The following FSIP1 variants were observed in gnomAD, a reference collection of about 807,000 sequenced individuals.
FSIP1 encodes the protein fibrous sheath interacting protein 1.
FSIP1 carries 65 observed loss-of-function variants against 60.9 expected under a neutral mutation model. The observed-to-expected ratio is 1.07, with a 90% CI of 0.87 to 1.31. The LOEUF is 1.31. Ranked by LOEUF, FSIP1 falls within the 40% of genes most tolerant of loss-of-function variation. The pLI is 0.00. For synonymous variants in FSIP1, 209 were observed against 221.2 expected (o/e 0.94, Z 0.49); for missense variants, 675 against 665.5 (o/e 1.01, Z -0.16).
chr15:39,600,945 AC>A lies in FSIP1; in HGVS notation c.1700-20del. 1 of 1,592,184 alleles carries A rather than the reference AC, an allele frequency of 6.3e-7. No individual in the cohort carries two copies. The highest frequency in any genetic ancestry group is 1.1e-5 in the South Asian group (1 of 87,416). ...TGCTCATCTGCACATAAAAACAATAACCACAGTTATTAGAGATTCAGAAATG... is the reference window on the plus strand; with the variant it reads ...TGCTCATCTGCACATAAAAACAATAACACAGTTATTAGAGATTCAGAAATG... On this transcript the variant is annotated intron_variant, in intron 11 of 11. Transcript: ENST00000350221.
chr15:39,765,241 C>CTTTTTTTTTTTTTT (rs71132116), intron 4 of FSIP1, among the ~76,000 whole-genome samples: 1 of 115,178 alleles, frequency 8.7e-6, no homozygotes, highest in Non-Finnish European at 1.7e-5. Flanking sequence ...GAAATTCTTT[C>CTTTTTTTTTTTTTT]TTTTTTTTTT....
intron 10 of FSIP1, among the ~76,000 whole-genome samples, chr15:39,625,075 G>T (rs1009752340): frequency 1.6e-4 from 24 of 152,134 alleles, no homozygotes; most frequent in Admixed American, 4.6e-4. Context: ...CAAAGTCACC[G>T]TGCAGAATCA....
At chr15:39,759,806 A>G (rs561298487) in intron 5 of FSIP1, among the ~76,000 whole-genome samples, 2 of 152,154 alleles carry the variant, frequency 1.3e-5, no homozygotes, top group African/African-American at 2.4e-5. Context: ...CCGTCTTTGC[A>G]GCACCTTTTC....
At chr15:39,752,178 G>T (rs1897183888) in intron 5 of FSIP1, among the ~76,000 whole-genome samples, 1 of 151,876 alleles carries the variant, frequency 6.6e-6, no homozygotes, top group South Asian at 2.1e-4. Context: ...TAAAATCTTT[G>T]CCTAGGCCAA....
At chr15:39,772,726 G>A (rs974417663) in intron 2 of FSIP1, among the ~76,000 whole-genome samples, 5 of 151,662 alleles carry the variant, frequency 3.3e-5, no homozygotes, top group Non-Finnish European at 7.4e-5. Flanking sequence ...GAGTAGCTGG[G>A]ATTACAGGCA....
intron 8 of FSIP1, among the ~76,000 whole-genome samples, chr15:39,729,765 T>C (rs1309513558): frequency 6.6e-6 from 1 of 152,154 alleles, no homozygotes; most frequent in African/African-American, 2.4e-5. Flanking sequence ...AAGGCCATAA[T>C]CCTAAACAAA....
chr15:39,735,688 T>C (rs565236488), intron 8 of FSIP1, among the ~76,000 whole-genome samples: 8 of 152,192 alleles, frequency 5.3e-5, no homozygotes, highest in Non-Finnish European at 8.8e-5. Flanking sequence ...TTTTTACTTT[T>C]AAAACTTTTA....
At chr15:39,780,688 C>T (rs1472322251) in intron 1 of FSIP1, among the ~76,000 whole-genome samples, 1 of 152,178 alleles carries the variant, frequency 6.6e-6, no homozygotes, top group East Asian at 1.9e-4. Context: ...CTAAAACTTG[C>T]TCAAAATGTA....
chr15:39,726,226 AG>A (rs1339100587), intron 9 of FSIP1, among the ~76,000 whole-genome samples: 4 of 152,222 alleles, frequency 2.6e-5, no homozygotes, highest in Non-Finnish European at 2.9e-5. Flanking sequence ...TGGTGGAGTA[AG>A]GGACAATGGC....
intron 10 of FSIP1, among the ~76,000 whole-genome samples, chr15:39,691,902 T>G (rs992915217): frequency 6.6e-6 from 1 of 151,792 alleles, no homozygotes; most frequent in Non-Finnish European, 1.5e-5. Context: ...AGAGAGCGAG[T>G]GATAGATAGA....
chr15:39,606,807 A>T (rs1255660762), intron 11 of FSIP1, among the ~76,000 whole-genome samples: 2 of 152,192 alleles, frequency 1.3e-5, no homozygotes, highest in Non-Finnish European at 2.9e-5. Context: ...TATTTTATGA[A>T]TTTCTGTTAA....
intron 10 of FSIP1, among the ~76,000 whole-genome samples, chr15:39,679,774 A>C (rs1389404881): frequency 6.6e-6 from 1 of 152,210 alleles, no homozygotes; most frequent in Non-Finnish European, 1.5e-5. Flanking sequence ...AGGGGGGAAA[A>C]CAACATTATC....
chr15:39,758,898 T>TA (rs1460408184), intron 5 of FSIP1, among the ~76,000 whole-genome samples: 29 of 151,998 alleles, frequency 1.9e-4, no homozygotes, highest in Admixed American at 1.9e-3. Flanking sequence ...TCCTACACGA[T>TA]AAAGCTAGCA....
downstream of FSIP1, chr15:39,598,341 A>G (rs1890525800): frequency 6.6e-6 from 1 of 152,224 alleles, no homozygotes. Context: ...TCACATACAA[A>G]TGTAAATTGC....
rs192155332 is a variant in FSIP1, at chr15:39,670,005, T to C, written c.1188+43439A>G. Among the ~76,000 whole-genome samples, 258 of 152,344 alleles carry C rather than the reference T, an allele frequency of 1.7e-3. 3 individuals carry two copies. The highest frequency in any genetic ancestry group is 4.1e-4 in the Non-Finnish European group (28 of 68,030). The stretch of plus-strand genomic sequence containing the variant: ...CCCTCCCGGAAACTGGAAATTAATA[T>C]ATTTCTCTGCTTGCTTATAGCCAAC... On this transcript the variant is annotated intron_variant, in intron 10 of 11. Coordinates refer to ENST00000350221, the MANE Select transcript of FSIP1 (RefSeq NM_152597.5).
At chr15:39,758,385 T>G (rs888850121) in intron 5 of FSIP1, among the ~76,000 whole-genome samples, 1 of 152,050 alleles carries the variant, frequency 6.6e-6, no homozygotes, top group Non-Finnish European at 1.5e-5. Context: ...ACAAGCAGGT[T>G]TGGTCTTTCA....
chr15:39,726,081 C>T (rs896834997), intron 9 of FSIP1, among the ~76,000 whole-genome samples: 41 of 152,080 alleles, frequency 2.7e-4, no homozygotes, highest in African/African-American at 8.7e-4. Flanking sequence ...CATGAGCCAC[C>T]GCACCTGCTT....
At chr15:39,749,404 A>G (rs1897099019) in intron 5 of FSIP1, among the ~76,000 whole-genome samples, 1 of 131,804 alleles carries the variant, frequency 7.6e-6, no homozygotes, top group Non-Finnish European at 1.6e-5. Context: ...CATTGATGTA[A>G]AAATCCTTAA....
intron 10 of FSIP1, among the ~76,000 whole-genome samples, chr15:39,683,655 G>C (rs1357561094): frequency 6.6e-6 from 1 of 152,192 alleles, no homozygotes; most frequent in Non-Finnish European, 1.5e-5. Context: ...CAGACAACAT[G>C]ACTGGCTATG....
Sources: gnomAD v4.1 joint callset for allele counts (sites outside exome capture counted in the v4.1 genomes callset) on GRCh38, gnomAD v4.1.1 for gene constraint, MANE v1.5 for transcripts, NCBI Gene and HGNC (gene_info 2026-07-23, HGNC 2026-07-21) for gene names.